The following C8orf76 variants were observed in gnomAD, a reference collection of about 807,000 sequenced individuals.
C8orf76 encodes uncharacterized protein C8orf76.
Under a neutral mutation model 38.1 loss-of-function variants are expected in C8orf76, and 46 were observed. The observed-to-expected ratio is 1.21, with a 90% CI of 0.95 to 1.54. The LOEUF (loss-of-function observed/expected upper bound fraction) is 1.54, where lower values mean the gene tolerates loss of function less well. C8orf76 is among the 40% of genes most tolerant of loss of function. The probability of loss-of-function intolerance (pLI) is 0.00; values close to 1 mark genes in which losing one functional copy is unlikely to be tolerated. For missense variants in C8orf76, 461 were observed against 441.6 expected (o/e 1.04, Z -0.39); for synonymous variants, 166 against 167.5 (o/e 0.99, Z 0.07).
rs1397674376 is a variant in C8orf76, at chr8:123,231,515, A to G, written c.600T>C (p.Thr200=). 6.2e-7 allele frequency: 1 copy of G among 1,614,148 alleles called. No homozygotes were observed. Among genetic ancestry groups the G allele is most frequent in the Non-Finnish European group, 8.5e-7 (1 of 1,180,060 alleles). Residue 200 remains threonine, a synonymous_variant, in exon 4 of 6, where the codon ACT becomes ACC. Coordinates refer to ENST00000276704, the MANE Select transcript of C8orf76 (RefSeq NM_032847.3). ...CTGAGTGTGGAAAGAAGGATTTGAT[A>G]GTTTTGTCACTTGAGGTGAAACTGT... is the stretch of plus-strand genomic sequence containing the variant. ...KQHSFTSSDK[T]IKSFFPHSGK... is the part of the protein sequence containing the mutation.
intron 5 of C8orf76, among the ~76,000 whole-genome samples, chr8:123,225,768 T>A (rs773468620): frequency 6.6e-6 from 1 of 151,806 alleles, no homozygotes; most frequent in South Asian, 2.1e-4. Flanking sequence ...CTACTAAAAA[T>A]ACAAAAATTA....
chr8:123,230,996 C>T (rs915914436), intron 4 of C8orf76, among the ~76,000 whole-genome samples: 1 of 152,148 alleles, frequency 6.6e-6, no homozygotes, highest in Non-Finnish European at 1.5e-5. Flanking sequence ...TGGGATTTCA[C>T]CATGTTGCTC....
chr8:123,226,056 C>G (rs1251222993), intron 5 of C8orf76: 1 of 664,938 alleles, frequency 1.5e-6, no homozygotes, highest in African/African-American at 2.0e-5. Context: ...CAAACACAAG[C>G]TCCAGACCAG....
chr8:123,237,718 G>T, intron 3 of C8orf76, 80 bp downstream of exon 3: 2 of 1,484,088 alleles, frequency 1.3e-6, no homozygotes, highest in South Asian at 1.5e-5. Flanking sequence ...CTAGCAAGAA[G>T]TTTGTTTTGT....
intron 5 of C8orf76, among the ~76,000 whole-genome samples, chr8:123,225,256 C>T (rs1825005401): frequency 6.6e-6 from 1 of 152,178 alleles, no homozygotes; most frequent in Non-Finnish European, 1.5e-5. Flanking sequence ...ATCCACCCAC[C>T]TTGGCCTCCC....
At chr8:123,236,130 G>A (rs149891609) in intron 3 of C8orf76, among the ~76,000 whole-genome samples, 1 of 152,180 alleles carries the variant, frequency 6.6e-6, no homozygotes, top group Non-Finnish European at 1.5e-5. Context: ...TCCTCGAATT[G>A]CAAGAGGCTG....
In C8orf76 at chr8:123,231,619, T is replaced by C; in HGVS notation, c.496A>G (p.Asn166Asp). The C allele has an allele frequency of 6.2e-7, 1 of 1,614,206 alleles. No individual in the cohort carries two copies. Among genetic ancestry groups the C allele is most frequent in the Non-Finnish European group, 8.5e-7 (1 of 1,180,036 alleles). Residue 166 changes from asparagine (N) to aspartate (D), a missense_variant, in exon 4 of 6, where the codon AAC (asparagine) becomes GAC (aspartate). By Grantham distance (23) the Asn-to-Asp change is conservative (BLOSUM62 1). Transcript: ENST00000276704. ...LISLHPFNPW[N>D]WGKLAEAYLN... ...TAAGCCTCTGCCAATTTGCCCCAGT[T>C]CCAAGGATTAAAAGGATGCAAAGAA...
chr8:123,230,655 CTT>C (rs1171156477), intron 4 of C8orf76, among the ~76,000 whole-genome samples: 10 of 140,130 alleles, frequency 7.1e-5, no homozygotes, highest in Non-Finnish European at 6.2e-5. Context: ...CTGGTCAACT[CTT>C]TTTTTTTTTT....
chr8:123,231,151 A>C, intron 4 of C8orf76, 149 bp downstream of exon 4: 1 of 992,740 alleles, frequency 1.0e-6, no homozygotes, highest in Non-Finnish European at 1.4e-6. Flanking sequence ...ATTACACACT[A>C]GAATGACAAA....
intron 5 of C8orf76, among the ~76,000 whole-genome samples, chr8:123,220,822 C>T (rs1283391430): frequency 6.6e-6 from 1 of 152,112 alleles, no homozygotes; most frequent in Non-Finnish European, 1.5e-5. Context: ...CAGATGAACA[C>T]AGGGTCATGT....
Position 123,220,173 on chromosome 8 carries a change from A to C in C8orf76, c.1073T>G (p.Phe358Cys), listed in dbSNP as rs1367807259. The C allele has an allele frequency of 1.2e-6, 2 of 1,614,098 alleles. No individual in the cohort carries two copies. The highest frequency in any genetic ancestry group is 1.7e-6 in the Non-Finnish European group (2 of 1,179,970). Residue 358 changes from phenylalanine (F) to cysteine (C), a missense_variant, in exon 6 of 6, where the codon TTC becomes TGC. Physicochemically the swap from Phe to Cys is radical, Grantham distance 205. Transcript: ENST00000276704. ...ACAGAAATGGTCTTTGATCTTTCTG[A>C]ACCACTTGTCTTCAAATTCTTCTGA... ...VSSEEFEDKW[F>C]RKIKDHFCPF...
intron 5 of C8orf76, among the ~76,000 whole-genome samples, chr8:123,221,395 GA>G (rs1344787005): frequency 6.6e-6 from 1 of 152,204 alleles, no homozygotes; most frequent in Non-Finnish European, 1.5e-5. Flanking sequence ...AGGAGTTAGA[GA>G]ACGGCCAGGG....
At chr8:123,232,938 A>G (rs759561695) in intron 3 of C8orf76, among the ~76,000 whole-genome samples, 1 of 152,242 alleles carries the variant, frequency 6.6e-6, no homozygotes, top group Non-Finnish European at 1.5e-5. Flanking sequence ...GTCATTTATA[A>G]GGAAAACAAC....
intron 1 of C8orf76, among the ~76,000 whole-genome samples, chr8:123,240,402 T>C (rs1365232550): frequency 2.0e-5 from 3 of 152,180 alleles, no homozygotes; most frequent in Non-Finnish European, 4.4e-5. Flanking sequence ...GTCAGTACAA[T>C]TGTGAGGAAC....
At chr8:123,239,199 A>C in intron 1 of C8orf76, 55 bp from the exon 2 acceptor site, 1 of 1,549,308 alleles carries the variant, frequency 6.5e-7, no homozygotes, top group Non-Finnish European at 8.9e-7. Flanking sequence ...TCCACCTCAT[A>C]TTCAGAAGCA....
intron 1 of C8orf76, chr8:123,239,620 T>C (rs1245952827): frequency 6.4e-6 from 1 of 155,254 alleles, no homozygotes; most frequent in Non-Finnish European, 1.4e-5. Context: ...CCATCTAGGA[T>C]ACTTTATTTG....
intron 5 of C8orf76, among the ~76,000 whole-genome samples, chr8:123,223,946 TAG>T (rs1824955931): frequency 1.3e-5 from 2 of 151,898 alleles, no homozygotes; most frequent in African/African-American, 4.8e-5. Flanking sequence ...TTCTAGTGGG[TAG>T]AGAGAGAAGA....
At chr8:123,224,437 C>T (rs1269945277) in intron 5 of C8orf76, among the ~76,000 whole-genome samples, 1 of 152,024 alleles carries the variant, frequency 6.6e-6, no homozygotes, top group Non-Finnish European at 1.5e-5. Context: ...CATAGCAAGA[C>T]CCTGCCTCTA....
chr8:123,226,920 C>A (rs531378074), intron 4 of C8orf76, among the ~76,000 whole-genome samples: 14 of 152,170 alleles, frequency 9.2e-5, no homozygotes, highest in Admixed American at 2.0e-4. Context: ...AGCTTCCGGC[C>A]TCAAAAGAGC....
Sources: gnomAD v4.1 joint callset for allele counts (sites outside exome capture counted in the v4.1 genomes callset) on GRCh38, gnomAD v4.1.1 for gene constraint, MANE v1.5 for transcripts, NCBI Gene and HGNC (gene_info 2026-07-23, HGNC 2026-07-21) for gene names.